Variants in GPATCH2 observed in about 807,000 individuals in gnomAD.
The protein encoded by GPATCH2 is G patch domain-containing protein 2.
Under a neutral mutation model 58.0 loss-of-function variants are expected in GPATCH2, and 51 were observed. That is an observed-to-expected ratio of 0.88 (90% confidence interval 0.70 to 1.11). GPATCH2 has a LOEUF of 1.11. Ranked by LOEUF, GPATCH2 falls within the 50% of genes most tolerant of loss-of-function variation. The pLI, the probability that GPATCH2 is intolerant of heterozygous loss-of-function variation, is 0.00. For synonymous variants in GPATCH2, 222 were observed against 218.5 expected, an observed-to-expected ratio of 1.02 and a Z score of -0.14; for missense variants, 625 against 652.2, an observed-to-expected ratio of 0.96 and a Z score of 0.45.
chr1:217,489,177 TC>T (rs1212066133), intron 8 of GPATCH2, among the ~76,000 whole-genome samples: 2 of 151,434 alleles, frequency 1.3e-5, no homozygotes, highest in Non-Finnish European at 2.9e-5. Context: ...CCTCAAGCAA[TC>T]CTCCTGTTTC....
At chr1:217,508,276 A>G (rs1390393612) in intron 6 of GPATCH2, among the ~76,000 whole-genome samples, 1 of 152,150 alleles carries the variant, frequency 6.6e-6, no homozygotes, top group Non-Finnish European at 1.5e-5. Flanking sequence ...AAGTATTCCC[A>G]ATGAAAATAA....
At chr1:217,435,253 C>G (rs1239923243) in intron 9 of GPATCH2, among the ~76,000 whole-genome samples, 1 of 152,202 alleles carries the variant, frequency 6.6e-6, no homozygotes, top group Non-Finnish European at 1.5e-5. Flanking sequence ...TCCTACTAAC[C>G]TTTCTGCCTG....
intron 5 of GPATCH2, among the ~76,000 whole-genome samples, chr1:217,542,048 G>A (rs1476091842): frequency 6.6e-6 from 1 of 152,160 alleles, no homozygotes; most frequent in Admixed American, 6.5e-5. Context: ...GTAAGAACTT[G>A]CTTTTTGGTA....
At chr1:217,607,505 T>C (rs1351223528) in intron 5 of GPATCH2, among the ~76,000 whole-genome samples, 1 of 152,142 alleles carries the variant, frequency 6.6e-6, no homozygotes, top group Admixed American at 6.5e-5. Context: ...TGATAAGCTT[T>C]GTTCAGCCGT....
intron 8 of GPATCH2, among the ~76,000 whole-genome samples, chr1:217,490,160 G>T (rs1002793051): frequency 4.6e-5 from 7 of 152,218 alleles, no homozygotes; most frequent in Non-Finnish European, 1.0e-4. Context: ...ATAGTTCCAG[G>T]TTGACAATTT....
rs779778595 is a variant in GPATCH2 at position 217,630,952 on chromosome 1, C to G, written c.20G>C (p.Arg7Pro). Residue 7 changes from arginine to proline, a missense_variant, in exon 1 of 10, where the codon CGC (arginine) becomes CCC (proline). Transcript: ENST00000366935. ...GGCTGCTGGAGCTCCGATCGGTTGG[C>G]GCCCGGCGGCCCCGAACATTAACGA... Reference protein sequence around the residue: MFGAAGRQPIGAPAAGN... With the variant: MFGAAGPQPIGAPAAGN... The G allele has an allele frequency of 4.8e-5, 77 of 1,587,982 alleles. No homozygotes were observed. The highest frequency in any genetic ancestry group is 6.1e-5 in the Non-Finnish European group (72 of 1,172,392).
chr1:217,453,972 T>C (rs1659795930), intron 8 of GPATCH2, among the ~76,000 whole-genome samples: 2 of 152,100 alleles, frequency 1.3e-5, no homozygotes, highest in Non-Finnish European at 2.9e-5. Context: ...GCAAGAACAC[T>C]CACTGTCAGT....
intron 5 of GPATCH2, among the ~76,000 whole-genome samples, chr1:217,540,623 T>C (rs1200609784): frequency 6.6e-6 from 1 of 152,218 alleles, no homozygotes; most frequent in African/African-American, 2.4e-5. Flanking sequence ...ATAGTGCTAC[T>C]CTTTAAAGGA....
At chr1:217,444,275 C>T (rs960492976) in intron 9 of GPATCH2, among the ~76,000 whole-genome samples, 2 of 152,158 alleles carry the variant, frequency 1.3e-5, no homozygotes, top group Non-Finnish European at 2.9e-5. Context: ...AGGAGACTTA[C>T]GCTGGGATCC....
intron 8 of GPATCH2, among the ~76,000 whole-genome samples, chr1:217,469,169 T>A (rs551529851): frequency 6.6e-6 from 1 of 152,252 alleles, no homozygotes; most frequent in Admixed American, 6.5e-5. Context: ...TGAGGTTTAT[T>A]GTCCTTAGAA....
chr1:217,591,214 T>C (rs1667573413), intron 5 of GPATCH2, among the ~76,000 whole-genome samples: 1 of 152,056 alleles, frequency 6.6e-6, no homozygotes, highest in South Asian at 2.1e-4. Flanking sequence ...ATGATGAACA[T>C]ATACATATGC....
chr1:217,525,799 C>G (rs986231802), intron 5 of GPATCH2, among the ~76,000 whole-genome samples: 1 of 152,010 alleles, frequency 6.6e-6, no homozygotes, highest in Non-Finnish European at 1.5e-5. Flanking sequence ...GAGGACATAA[C>G]AAATTATTAA....
intron 8 of GPATCH2, among the ~76,000 whole-genome samples, chr1:217,473,280 A>AGTGTGTGTGTGTGT (rs71166009): frequency 1.1e-4 from 16 of 142,228 alleles, no homozygotes; most frequent in African/African-American, 2.3e-4. Context: ...GGTTTAGTTC[A>AGTGTGTGTGTGTGT]GTGTGTGTGT....
intron 5 of GPATCH2, chr1:217,609,627 TC>T (rs1668531950): frequency 2.0e-6 from 2 of 979,430 alleles, no homozygotes; most frequent in African/African-American, 3.5e-5. Flanking sequence ...TACCTACTAC[TC>T]ATCTTAGCCC....
intron 8 of GPATCH2, among the ~76,000 whole-genome samples, chr1:217,482,635 T>C (rs972973844): frequency 2.6e-5 from 4 of 152,056 alleles, no homozygotes; most frequent in Non-Finnish European, 4.4e-5. Context: ...TATAGTCTTG[T>C]AGGCCAAAAA....
intron 9 of GPATCH2, among the ~76,000 whole-genome samples, chr1:217,439,824 G>C (rs929820774): frequency 1.3e-5 from 2 of 152,230 alleles, no homozygotes; most frequent in Admixed American, 1.3e-4. Flanking sequence ...GGAAGAAGTC[G>C]AATCCCTGAA....
intron 8 of GPATCH2, among the ~76,000 whole-genome samples, chr1:217,490,632 C>A (rs1277686220): frequency 6.6e-6 from 1 of 152,128 alleles, no homozygotes; most frequent in African/African-American, 2.4e-5. Flanking sequence ...AATCACATTT[C>A]TCATTTCTAA....
intron 5 of GPATCH2, among the ~76,000 whole-genome samples, chr1:217,567,798 T>C (rs1340580945): frequency 1.3e-5 from 2 of 152,132 alleles, no homozygotes; most frequent in African/African-American, 4.8e-5. Context: ...GAAAGGAAAA[T>C]CTCATTCACC....
intron 1 of GPATCH2, among the ~76,000 whole-genome samples, chr1:217,629,520 G>C (rs1417146176): frequency 6.6e-6 from 1 of 152,116 alleles, no homozygotes; most frequent in East Asian, 1.9e-4. Context: ...AGCACCCTAG[G>C]AAGAGCAGAC....
Sources: allele counts gnomAD v4.1 joint callset (sites outside exome capture counted in the v4.1 genomes callset), GRCh38; gene constraint gnomAD v4.1.1; transcripts MANE v1.5; gene names NCBI Gene and HGNC (gene_info 2026-07-23, HGNC 2026-07-21).